The following PUDP variants were observed in gnomAD, a reference collection of about 807,000 sequenced individuals.
PUDP encodes pseudouridine 5'-phosphatase.
Under a neutral mutation model 9.4 loss-of-function variants are expected in PUDP, and 8 were observed. That is an observed-to-expected ratio of 0.85 (90% CI 0.50 to 1.53). The LOEUF (loss-of-function observed/expected upper bound fraction) is 1.53, where lower values mean the gene tolerates loss of function less well. PUDP is among the 40% of genes most tolerant of loss of function. The probability of loss-of-function intolerance (pLI) is 0.00; values close to 1 mark genes in which losing one functional copy is unlikely to be tolerated. For missense variants in PUDP, 188 were observed against 189.7 expected, an observed-to-expected ratio of 0.99 and a Z score of 0.05; for synonymous variants, 99 against 80.7, an observed-to-expected ratio of 1.23 and a Z score of -1.22.
At chrX:7,131,252 C>T (rs767341561) in intron 1 of PUDP, among the ~76,000 whole-genome samples, 1 of 112,180 alleles carries the variant, frequency 8.9e-6, no homozygotes, top group East Asian at 2.8e-4. Context: ...GAATCAGCCA[C>T]TTTTCTTCCT....
chrX:7,147,941 T>A, intron 1 of PUDP, 112 bp downstream of exon 1: 1 of 613,141 alleles, frequency 1.6e-6, no homozygotes, highest in South Asian at 2.7e-5. Flanking sequence ...CGAGCGTCCC[T>A]GCATGAACAC....
intron 1 of PUDP, chrX:7,116,986 C>G (rs1259262149): frequency 1.9e-5 from 22 of 1,165,417 alleles, no homozygotes; most frequent in Admixed American, 2.6e-5. Context: ...TGATTGTAAG[C>G]CTCTTGAGGA....
chrX:6,816,241 G>T (rs754664478), intron 3 of PUDP, among the ~76,000 whole-genome samples: 1 of 105,271 alleles, frequency 9.5e-6, no homozygotes, highest in African/African-American at 3.4e-5. Context: ...GCATAGTATA[G>T]TATATGCAGT....
In PUDP at chrX:7,105,935, C is replaced by T. The variant is rs1204610834; in HGVS notation, c.62-97G>A. The T allele has an allele frequency of 5.3e-6, 3 of 563,555 alleles. No individual in the cohort carries two copies. In the East Asian group the frequency reaches 1.1e-4, roughly 21 times the overall value. The allele number at this position is 563,555 out of a possible 1,213,427, so 46.4% of individuals were successfully genotyped here. ...AACATACACTGTGTAGGTCTCATTCCATGAACAAAGGCTTTTGTGGAGACC... is the reference window on the plus strand; with the variant it reads ...AACATACACTGTGTAGGTCTCATTCTATGAACAAAGGCTTTTGTGGAGACC... On this transcript the variant is annotated intron_variant, in intron 1 of 3. Transcript: ENST00000381077.
In PUDP at chrX:7,013,180, G is replaced by C. The variant is rs933509692; in HGVS notation, c.205-34837C>G. ...ATACCACAGTGAATGCTCTGACCCA[G>C]TGCTAACAAAAGCTTCTTTTTTTCG... On this transcript the variant is annotated intron_variant and NMD_transcript_variant, in intron 1 of 3. Transcript: ENST00000655425. Among the ~76,000 whole-genome samples, 7 of 112,148 alleles carry C rather than the reference G, an allele frequency of 6.2e-5. 1 individual carries two copies. Among genetic ancestry groups the C allele is most frequent in the African/African-American group, 2.3e-4 (7 of 30,775 alleles).
intron 2 of PUDP, among the ~76,000 whole-genome samples, chrX:7,083,243 G>C (rs1438245882): frequency 1.8e-5 from 2 of 112,165 alleles, no homozygotes; most frequent in Non-Finnish European, 3.8e-5. Context: ...CTCTGTTCTT[G>C]AATGTGAATG....
At chrX:7,093,879 G>A (rs1931492447) in intron 2 of PUDP, among the ~76,000 whole-genome samples, 1 of 111,657 alleles carries the variant, frequency 9.0e-6, no homozygotes, top group Non-Finnish European at 1.9e-5. Flanking sequence ...GCTGAGGCAG[G>A]AGGATCACTT....
At chrX:6,977,071 C>A (rs1928966801) in intron 3 of PUDP, among the ~76,000 whole-genome samples, 1 of 112,097 alleles carries the variant, frequency 8.9e-6, no homozygotes. Context: ...GAACTCTTCC[C>A]ACATGTTTTA....
At chrX:6,836,581 C>A (rs1373435710) in intron 3 of PUDP, among the ~76,000 whole-genome samples, 1 of 112,257 alleles carries the variant, frequency 8.9e-6, no homozygotes, top group Non-Finnish European at 1.9e-5. Context: ...TCAAAGTCAG[C>A]AATATTGTAT....
chrX:6,758,709 G>A (rs1490133808), intron 3 of PUDP, among the ~76,000 whole-genome samples: 1 of 111,198 alleles, frequency 9.0e-6, no homozygotes, highest in East Asian at 2.8e-4. Context: ...TATTAAGGCA[G>A]AGCCCTCAGA....
chrX:7,070,628 G>T (rs1400714868), intron 3 of PUDP, among the ~76,000 whole-genome samples: 1 of 110,611 alleles, frequency 9.0e-6, no homozygotes, highest in East Asian at 2.8e-4. Context: ...ACCCAGGCTG[G>T]AGTGCAATGG....
chrX:6,843,563 T>C (rs1395536772), intron 3 of PUDP, among the ~76,000 whole-genome samples: 1 of 111,745 alleles, frequency 8.9e-6, no homozygotes, highest in Non-Finnish European at 1.9e-5. Flanking sequence ...CACTGTTCTG[T>C]CTATATTAAA....
chrX:6,798,600 T>C (rs1332242905), intron 3 of PUDP, among the ~76,000 whole-genome samples: 1 of 112,153 alleles, frequency 8.9e-6, no homozygotes, highest in Non-Finnish European at 1.9e-5. Context: ...CTAATTAAAA[T>C]AGTTTGGTTC....
intron 3 of PUDP, among the ~76,000 whole-genome samples, chrX:6,794,696 A>C (rs1369579489): frequency 1.8e-5 from 2 of 108,600 alleles, no homozygotes; most frequent in Non-Finnish European, 3.8e-5. Flanking sequence ...AGTAGCTGGA[A>C]TTACAGGCAC....
At chrX:7,018,318 C>G (rs1929581233) in intron 1 of PUDP, among the ~76,000 whole-genome samples, 1 of 111,765 alleles carries the variant, frequency 8.9e-6, no homozygotes, top group African/African-American at 3.3e-5. Context: ...AAGAACTATT[C>G]ATTTTATCTT....
chrX:6,722,419 T>C (rs1480947831), upstream of PUDP, among the ~76,000 whole-genome samples: 1 of 106,477 alleles, frequency 9.4e-6, no homozygotes, highest in African/African-American at 3.5e-5. Flanking sequence ...AACTCCAGCC[T>C]GGGCCACAGA....
At chrX:6,822,448 A>G (rs774558838) in intron 3 of PUDP, among the ~76,000 whole-genome samples, 2 of 112,237 alleles carry the variant, frequency 1.8e-5, no homozygotes, top group East Asian at 5.7e-4. Context: ...TTTTTTTGAG[A>G]CGGAGTCTCG....
intron 2 of PUDP, among the ~76,000 whole-genome samples, chrX:7,083,321 G>A (rs1178095586): frequency 8.9e-6 from 1 of 111,866 alleles, no homozygotes; most frequent in Non-Finnish European, 1.9e-5. Context: ...GAATCTGCCA[G>A]AAAAAAATGA....
chrX:6,804,022 T>G lies in PUDP; in HGVS notation c.*248-97556A>C, dbSNP rs1204484814. ...CATATTTTTTCATTGATTTTTCATT[T>G]GATGTTATATGCAGGACATATAGAC... On this transcript the variant is annotated intron_variant and NMD_transcript_variant, in intron 3 of 3. Transcript: ENST00000655425. Among the ~76,000 whole-genome samples the G allele has an allele frequency of 4.5e-5, 5 of 112,063 alleles. No individual in the cohort carries two copies. In the South Asian group the frequency reaches 1.5e-3, roughly 34 times the overall value.
Sources: allele counts gnomAD v4.1 joint callset (sites outside exome capture counted in the v4.1 genomes callset), GRCh38; gene constraint gnomAD v4.1.1; transcripts MANE v1.5; gene names NCBI Gene and HGNC (gene_info 2026-07-23, HGNC 2026-07-21).